Variants in TENM3 observed in about 807,000 individuals in gnomAD.
TENM3 encodes teneurin transmembrane protein 3, also known as teneurin-3.
A neutral mutation model predicts 255.1 loss-of-function variants in TENM3; 63 were observed. The observed-to-expected ratio is 0.25, with a 90% CI of 0.20 to 0.30. The LOEUF is 0.30. Ranked by LOEUF, TENM3 falls within the 10% of genes least tolerant of loss-of-function variation. The pLI is 1.00. For synonymous variants in TENM3, 1,306 were observed against 1,322.3 expected (o/e 0.99, Z 0.27); for missense variants, 2,929 against 3,461.1 (o/e 0.85, Z 3.86).
Position 182,793,240 on chromosome 4 carries a change from C to T in TENM3, c.6568C>T (p.Arg2190Trp), listed in dbSNP as rs777672521. 1.2e-5 allele frequency: 20 copies of T among 1,613,694 alleles called. No individual in the cohort carries two copies. The highest frequency in any genetic ancestry group is 1.7e-5 in the Non-Finnish European group (20 of 1,179,798). Reference sequence around the variant, plus strand: ...CACTCGACTGGGTGATGTTCAATATCGGTTGGATGAAGATGGTTTCCTACG... The same window carrying T: ...CACTCGACTGGGTGATGTTCAATATTGGTTGGATGAAGATGGTTTCCTACG... ...RITRLGDVQYRLDEDGFLRQR... is the reference protein window; with the variant it reads ...RITRLGDVQYWLDEDGFLRQR... The change falls in exon 26 of 28, where the codon CGG (arginine) becomes TGG (tryptophan). Residue 2190 changes from arginine to tryptophan, a missense_variant. This residue lies in a region of TENM3 where 256 missense variants were observed against 389.3 expected (regional missense o/e 0.66). Coordinates refer to ENST00000511685, the MANE Select transcript of TENM3 (RefSeq NM_001080477.4). The surrounding 1 kb of genome is among the most constrained non-coding windows in gnomAD (Gnocchi z 5.7).
chr4:181,978,863 T>G, the TENM3 span, among the ~76,000 whole-genome samples: 8 of 150,664 alleles, frequency 5.3e-5, no homozygotes, highest in Non-Finnish European at 1.2e-4. Context: ...TGTGGTCTCT[T>G]GTTCTGCTTA....
chr4:182,098,963 C>CT, the TENM3 span, among the ~76,000 whole-genome samples: 3,698 of 131,198 alleles, frequency 0.028, 90 homozygotes, highest in South Asian at 0.052. Flanking sequence ...CTCTTTTTTT[C>CT]TTTTTTTTTT....
intron 1 of TENM3, among the ~76,000 whole-genome samples, chr4:182,199,049 T>G (rs1434822187): frequency 6.6e-6 from 1 of 152,130 alleles, no homozygotes; most frequent in Non-Finnish European, 1.5e-5. Context: ...TTCAGTATAG[T>G]TTAGATAGTG....
At chr4:182,562,094 C>G (rs1743259950) in intron 3 of TENM3, among the ~76,000 whole-genome samples, 1 of 151,848 alleles carries the variant, frequency 6.6e-6, no homozygotes, top group South Asian at 2.1e-4. Context: ...AGCAATTTGT[C>G]AAACTTAATA....
intron 1 of TENM3, among the ~76,000 whole-genome samples, chr4:182,224,638 G>A (rs895885040): frequency 2.6e-5 from 4 of 152,050 alleles, no homozygotes; most frequent in Non-Finnish European, 4.4e-5. Flanking sequence ...GGGGAAGTGT[G>A]CACAGCCCAT....
the TENM3 span, among the ~76,000 whole-genome samples, chr4:181,956,340 A>G: frequency 1.5e-4 from 23 of 152,342 alleles, no homozygotes; most frequent in African/African-American, 5.3e-4. Context: ...GCAACAATTC[A>G]TACTCTCAGA....
At chr4:182,168,507 C>T (rs1049266765) in intron 1 of TENM3, among the ~76,000 whole-genome samples, 5 of 152,212 alleles carry the variant, frequency 3.3e-5, no homozygotes, top group Admixed American at 2.6e-4. Flanking sequence ...TCTTTTTCAC[C>T]CAGGCTTTGT....
At chr4:182,371,541 G>A (rs1766816391) in intron 3 of TENM3, among the ~76,000 whole-genome samples, 1 of 151,858 alleles carries the variant, frequency 6.6e-6, no homozygotes, top group South Asian at 2.1e-4. Flanking sequence ...CTACTTCTTG[G>A]TAAATTTCTG....
At chr4:181,915,525 A>G in the TENM3 span, among the ~76,000 whole-genome samples, 1 of 152,276 alleles carries the variant, frequency 6.6e-6, no homozygotes, top group African/African-American at 2.4e-5. Context: ...AAAGTGATTC[A>G]AAGAAAAAGA....
At chr4:182,519,523 A>G (rs1011038416) in intron 3 of TENM3, among the ~76,000 whole-genome samples, 2 of 152,214 alleles carry the variant, frequency 1.3e-5, no homozygotes, top group African/African-American at 2.4e-5. Flanking sequence ...TGTAGGGGCA[A>G]GAGAAAGCAA....
chr4:181,946,072 G>A, the TENM3 span, among the ~76,000 whole-genome samples: 633 of 152,052 alleles, frequency 4.2e-3, 5 homozygotes, highest in African/African-American at 0.015. Context: ...TCATTATTCA[G>A]TTTACGTGAA....
chr4:181,486,130 C>T, the TENM3 span, among the ~76,000 whole-genome samples: 1 of 152,150 alleles, frequency 6.6e-6, no homozygotes. Context: ...CACTTCACCA[C>T]CTTGACAATA....
chr4:182,262,447 C>T (rs1445196580), intron 1 of TENM3, among the ~76,000 whole-genome samples: 1 of 152,068 alleles, frequency 6.6e-6, no homozygotes, highest in African/African-American at 2.4e-5. Flanking sequence ...AAACAGGTTG[C>T]AGTAAGGGAG....
At chr4:182,100,622 CACACACATATAT>C in the TENM3 span, among the ~76,000 whole-genome samples, 53 of 51,826 alleles carry the variant, frequency 1.0e-3, 2 homozygotes, top group South Asian at 2.4e-3. Flanking sequence ...CATATATATA[CACACACATATAT>C]ACACATATAT....
intron 3 of TENM3, among the ~76,000 whole-genome samples, chr4:182,438,857 A>T (rs1772243346): frequency 6.6e-6 from 1 of 152,236 alleles, no homozygotes; most frequent in African/African-American, 2.4e-5. Flanking sequence ...ACATTGTACA[A>T]AGCTTTTGTT....
the TENM3 span, among the ~76,000 whole-genome samples, chr4:182,066,868 A>G: frequency 2.6e-3 from 391 of 152,228 alleles, 2 homozygotes; most frequent in African/African-American, 7.7e-3. Flanking sequence ...CCGAGATCGC[A>G]CCGCTGCACT....
chr4:182,596,293 C>T (rs1747215814), intron 3 of TENM3, among the ~76,000 whole-genome samples: 1 of 152,206 alleles, frequency 6.6e-6, no homozygotes, highest in Non-Finnish European at 1.5e-5. Context: ...AATAGTCATT[C>T]ATTCAACAAG....
In TENM3 at chr4:182,198,136, A is replaced by T. The variant is rs181676963; in HGVS notation, c.-76+53382A>T. Reference sequence around the variant, plus strand: ...AATAAATAAAAAATAAATAAAATTTAAAAAAATAAAAGAATTGGTGGGAAG... The same window carrying T: ...AATAAATAAAAAATAAATAAAATTTTAAAAAATAAAAGAATTGGTGGGAAG... On this transcript the variant is annotated intron_variant, in intron 1 of 2. Transcript: ENST00000512480. Among the ~76,000 whole-genome samples the T allele has an allele frequency of 5.3e-3, 813 of 152,170 alleles. 8 individuals are homozygous for T. The highest frequency in any genetic ancestry group is 6.2e-3 in the Non-Finnish European group (424 of 67,984).
rs555649507 is a variant in TENM3 at position 182,755,570 on chromosome 4, G to A, written c.4892+311G>A. 4.6e-5 allele frequency among the ~76,000 whole-genome samples: 7 copies of A among 152,222 alleles called. No homozygotes were observed. The East Asian group carries it at 1.4e-3, about 30-fold the overall frequency. ...AGAAAAAAAAATGGCCGGGCGCAGT[G>A]GCTCACGCCTGTAATCCCAGCACTT... On this transcript the variant is annotated intron_variant, in intron 22 of 27. Coordinates refer to ENST00000511685, the MANE Select transcript of TENM3 (RefSeq NM_001080477.4).
Sources: allele counts gnomAD v4.1 joint callset (sites outside exome capture counted in the v4.1 genomes callset), GRCh38; gene constraint gnomAD v4.1.1; regional missense constraint gnomAD v4.1.1; non-coding constraint Gnocchi (gnomAD v3.1); transcripts MANE v1.5; gene names NCBI Gene and HGNC (gene_info 2026-07-23, HGNC 2026-07-21).